Variants in TRHDE observed in about 807,000 individuals in gnomAD.
TRHDE encodes thyrotropin-releasing hormone-degrading ectoenzyme.
TRHDE carries 72 observed loss-of-function variants against 125.7 expected under a neutral mutation model. That is an observed-to-expected ratio of 0.57 (90% CI 0.47 to 0.70). The LOEUF is 0.70. TRHDE is among the 30% of genes least tolerant of loss of function. TRHDE has a pLI of 0.00. For synonymous variants in TRHDE, 509 were observed against 509.1 expected, an observed-to-expected ratio of 1.00 and a Z score of 0.00; for missense variants, 1,110 against 1,327.1, an observed-to-expected ratio of 0.84 and a Z score of 2.54.
At chr12:72,114,098 A>G (rs1321576153) in intron 2 of TRHDE, among the ~76,000 whole-genome samples, 1 of 151,466 alleles carries the variant, frequency 6.6e-6, no homozygotes, top group Non-Finnish European at 1.5e-5. Context: ...TGGGTCCAAG[A>G]GTGATATCCT....
chr12:72,238,295 TATATATATATATATATATATATATATAC>T lies in TRHDE; in HGVS notation n.279+132555_279+132582del, dbSNP rs1185239965. On this transcript the variant is annotated intron_variant and non_coding_transcript_variant, in intron 2 of 4. Transcript: ENST00000548156. ...TCCTTAATATATATATATATATATA[TATATATATATATATATATATATATATAC>T]ATATATATATACACATTATATATAT... 2.2e-3 allele frequency among the ~76,000 whole-genome samples: 69 copies of T among 30,936 alleles called. 4 individuals carry two copies. Among genetic ancestry groups the T allele is most frequent in the Non-Finnish European group, 2.9e-3 (42 of 14,726 alleles). The allele number at this position is 30,936 out of a possible 152,430, so 20.3% of individuals were successfully genotyped here. A position where few individuals can be genotyped will look rare whatever the true frequency, so the allele number is the denominator to read the frequency against.
At chr12:72,660,262 C>A (rs779104912) in intron 18 of TRHDE, among the ~76,000 whole-genome samples, 6 of 152,164 alleles carry the variant, frequency 3.9e-5, no homozygotes, top group Non-Finnish European at 8.8e-5. Flanking sequence ...ACCAGAAGTA[C>A]GGGAGGAACG....
chr12:72,328,309 C>G (rs1343057552), intron 2 of TRHDE, among the ~76,000 whole-genome samples: 3 of 152,140 alleles, frequency 2.0e-5, no homozygotes, highest in African/African-American at 7.2e-5. Context: ...TTGTAAGTAA[C>G]TGCCTAATTT....
chr12:72,261,027 C>A (rs993546330), intron 2 of TRHDE, among the ~76,000 whole-genome samples: 7 of 152,186 alleles, frequency 4.6e-5, no homozygotes, highest in African/African-American at 1.7e-4. Flanking sequence ...TTTCTAGATA[C>A]TACTTTTAAC....
chr12:72,294,404 C>T (rs956309334), intron 2 of TRHDE, among the ~76,000 whole-genome samples: 1 of 152,034 alleles, frequency 6.6e-6, no homozygotes, highest in East Asian at 1.9e-4. Context: ...CTCCTTTCCA[C>T]AGCCAGGGTA....
intron 3 of TRHDE, among the ~76,000 whole-genome samples, chr12:72,411,854 G>A (rs1024979686): frequency 2.0e-5 from 3 of 152,132 alleles, no homozygotes; most frequent in Non-Finnish European, 2.9e-5. Context: ...AGCAGTGGAA[G>A]AGATAACTTT....
chr12:72,515,772 T>C (rs1878820968), intron 6 of TRHDE, among the ~76,000 whole-genome samples: 1 of 152,222 alleles, frequency 6.6e-6, no homozygotes, highest in South Asian at 2.1e-4. Flanking sequence ...TTTATGGTTT[T>C]AGGTCTAATG....
chr12:72,662,599 G>A (rs1269305959), intron 18 of TRHDE, among the ~76,000 whole-genome samples: 1 of 152,074 alleles, frequency 6.6e-6, no homozygotes, highest in African/African-American at 2.4e-5. Flanking sequence ...ATTTGGAGAA[G>A]ATGAAAAATA....
At chr12:72,596,098 T>C (rs1213837461) in intron 12 of TRHDE, among the ~76,000 whole-genome samples, 2 of 152,164 alleles carry the variant, frequency 1.3e-5, no homozygotes, top group African/African-American at 2.4e-5. Context: ...TTCATTCATC[T>C]TTCTACGTAA....
intron 2 of TRHDE, among the ~76,000 whole-genome samples, chr12:72,208,398 T>C (rs1404848339): frequency 6.6e-6 from 1 of 152,210 alleles, no homozygotes; most frequent in African/African-American, 2.4e-5. Flanking sequence ...CAACCTGATA[T>C]TCATGATATA....
chr12:72,424,507 G>A (rs1310076925), intron 3 of TRHDE, among the ~76,000 whole-genome samples: 1 of 152,054 alleles, frequency 6.6e-6, no homozygotes, highest in Non-Finnish European at 1.5e-5. Flanking sequence ...ACCTGTGTTG[G>A]ACTTATAATC....
chr12:72,232,592 A>G (rs1437597105), intron 2 of TRHDE, among the ~76,000 whole-genome samples: 1 of 151,934 alleles, frequency 6.6e-6, no homozygotes, highest in Non-Finnish European at 1.5e-5. Flanking sequence ...TTAATACAGA[A>G]CTCTAGAATC....
intron 5 of TRHDE, among the ~76,000 whole-genome samples, chr12:72,479,033 T>A (rs1877035948): frequency 6.6e-6 from 1 of 151,754 alleles, no homozygotes; most frequent in Non-Finnish European, 1.5e-5. Flanking sequence ...TATATTTACA[T>A]TTTTTTCTCA....
intron 1 of TRHDE, among the ~76,000 whole-genome samples, chr12:72,089,168 A>G (rs1247604632): frequency 6.6e-6 from 1 of 152,124 alleles, no homozygotes; most frequent in African/African-American, 2.4e-5. Context: ...CTCTAGCTTG[A>G]AAGAATATCC....
intron 2 of TRHDE, among the ~76,000 whole-genome samples, chr12:72,136,376 G>T (rs772808805): frequency 6.6e-6 from 1 of 152,158 alleles, no homozygotes; most frequent in African/African-American, 2.4e-5. Context: ...CATAGACTCC[G>T]TAATTTACAA....
At chr12:72,303,029 A>G (rs1192532204) in intron 2 of TRHDE, 1 of 152,172 alleles carries the variant, frequency 6.6e-6, no homozygotes, top group East Asian at 1.9e-4. Context: ...ATGCTTGAAT[A>G]ATGACTTTGG....
chr12:72,503,862 G>C (rs1878253191), intron 6 of TRHDE, among the ~76,000 whole-genome samples: 1 of 152,156 alleles, frequency 6.6e-6, no homozygotes, highest in Non-Finnish European at 1.5e-5. Context: ...GTTTTGATTA[G>C]GAAATAGATT....
chr12:72,489,667 T>C (rs992207148), intron 5 of TRHDE, among the ~76,000 whole-genome samples: 6 of 151,836 alleles, frequency 4.0e-5, no homozygotes, highest in African/African-American at 1.4e-4. Context: ...TGGAAAAGAA[T>C]ACAGAGTCCA....
intron 6 of TRHDE, among the ~76,000 whole-genome samples, chr12:72,521,047 C>A (rs1048404163): frequency 1.3e-5 from 2 of 152,164 alleles, no homozygotes; most frequent in East Asian, 3.9e-4. Flanking sequence ...TTCAGCTCAA[C>A]CTTCCTGAAT....
Sources: gnomAD v4.1 joint callset for allele counts (sites outside exome capture counted in the v4.1 genomes callset) on GRCh38, gnomAD v4.1.1 for gene constraint, MANE v1.5 for transcripts, NCBI Gene and HGNC (gene_info 2026-07-23, HGNC 2026-07-21) for gene names.